The following JAM3 variants were observed in gnomAD, a reference collection of about 807,000 sequenced individuals.
JAM3 encodes junctional adhesion molecule 3, also known as junctional adhesion molecule C.
In JAM3, 31 loss-of-function variants were observed where a neutral mutation model predicts 39.4. The observed-to-expected ratio is 0.79, with a 90% CI of 0.59 to 1.06. JAM3 has a LOEUF of 1.06. Among genes scored for constraint, JAM3 ranks in the 50% least tolerant of loss-of-function variants. The pLI is 0.00. For synonymous variants in JAM3, 182 were observed against 148.7 expected (o/e 1.22, Z -1.63); for missense variants, 455 against 391.4 (o/e 1.16, Z -1.37).
chr11:134,142,023 A>G (rs540631464), intron 3 of JAM3, among the ~76,000 whole-genome samples: 12 of 151,922 alleles, frequency 7.9e-5, no homozygotes, highest in Admixed American at 2.0e-4. Flanking sequence ...TTTGCCTCTT[A>G]TTTTTGGAGT....
intron 3 of JAM3, among the ~76,000 whole-genome samples, chr11:134,143,426 A>T (rs1240644857): frequency 6.6e-5 from 10 of 152,144 alleles, no homozygotes; most frequent in African/African-American, 2.2e-4. Context: ...TAGAAACAGG[A>T]TCTCACTGTG....
chr11:134,106,642 GAAA>G (rs1198286322), intron 1 of JAM3, among the ~76,000 whole-genome samples: 1 of 150,802 alleles, frequency 6.6e-6, no homozygotes, highest in Non-Finnish European at 1.5e-5. Flanking sequence ...AAATTTACAA[GAAA>G]AAAACCTCAT....
At chr11:134,142,435 C>A (rs1002743785) in intron 3 of JAM3, among the ~76,000 whole-genome samples, 3 of 152,148 alleles carry the variant, frequency 2.0e-5, no homozygotes, top group Non-Finnish European at 4.4e-5. Flanking sequence ...TCGGAAGCAT[C>A]TTTTAGTGTG....
intron 1 of JAM3, among the ~76,000 whole-genome samples, chr11:134,097,345 C>A (rs1051977967): frequency 1.3e-5 from 2 of 152,144 alleles, no homozygotes; most frequent in Non-Finnish European, 2.9e-5. Flanking sequence ...CATTTCAGGG[C>A]GCCTTGCCTA....
chr11:134,114,495 G>C (rs1942382784), intron 1 of JAM3, among the ~76,000 whole-genome samples: 1 of 152,198 alleles, frequency 6.6e-6, no homozygotes, highest in African/African-American at 2.4e-5. Flanking sequence ...GATGGTTGTA[G>C]ATGTGTGGTA....
At chr11:134,074,216 T>G (rs2120564482) in intron 1 of JAM3, among the ~76,000 whole-genome samples, 1 of 152,344 alleles carries the variant, frequency 6.6e-6, no homozygotes, top group South Asian at 2.1e-4. Context: ...AGTGGAAGTG[T>G]TACAGCAAAT....
chr11:134,096,898 A>G (rs1464696774), intron 1 of JAM3, among the ~76,000 whole-genome samples: 2 of 152,170 alleles, frequency 1.3e-5, no homozygotes, highest in Non-Finnish European at 2.9e-5. Context: ...CAAATCTAGT[A>G]TCTTTAATTT....
chr11:134,119,491 C>T (rs538000705), intron 1 of JAM3, among the ~76,000 whole-genome samples: 4 of 152,140 alleles, frequency 2.6e-5, no homozygotes, highest in Admixed American at 6.5e-5. Context: ...AGAAACAGAA[C>T]TATTAGGAGA....
intron 1 of JAM3, among the ~76,000 whole-genome samples, chr11:134,089,087 C>T (rs1321570784): frequency 1.3e-5 from 2 of 152,178 alleles, no homozygotes; most frequent in Admixed American, 6.5e-5. Flanking sequence ...TAGTGAAGAG[C>T]ACTAGAGGAT....
chr11:134,086,977 T>A (rs1159389078), intron 1 of JAM3, among the ~76,000 whole-genome samples: 1 of 152,098 alleles, frequency 6.6e-6, no homozygotes, highest in East Asian at 1.9e-4. Flanking sequence ...GCTAATTTTT[T>A]AATTTTTTGT....
intron 1 of JAM3, among the ~76,000 whole-genome samples, chr11:134,076,151 C>CTTTTTTTTTTTT (rs551303530): frequency 1.7e-5 from 2 of 120,404 alleles, no homozygotes; most frequent in African/African-American, 3.3e-5. Flanking sequence ...TCTTTTCTTT[C>CTTTTTTTTTTTT]TTTTTTTTTT....
At chr11:134,091,836 G>GT (rs36015656) in intron 1 of JAM3, among the ~76,000 whole-genome samples, 7,552 of 141,392 alleles carry the variant, frequency 0.053, 621 homozygotes, top group African/African-American at 0.17. Context: ...GGGGGTGTGG[G>GT]TTTTTTTTTT....
intron 2 of JAM3, among the ~76,000 whole-genome samples, chr11:134,140,263 A>G (rs866572719): frequency 5.9e-5 from 9 of 152,162 alleles, no homozygotes; most frequent in African/African-American, 2.2e-4. Flanking sequence ...CTGGGATTAC[A>G]GGCACCCGCC....
At chr11:134,122,084 T>C (rs1248973706) in intron 1 of JAM3, among the ~76,000 whole-genome samples, 2 of 152,218 alleles carry the variant, frequency 1.3e-5, no homozygotes, top group Non-Finnish European at 2.9e-5. Flanking sequence ...TATTTTGTTT[T>C]GTTTTCTGGG....
At chr11:134,141,130 T>G (rs1942966384) in intron 3 of JAM3, among the ~76,000 whole-genome samples, 1 of 152,042 alleles carries the variant, frequency 6.6e-6, no homozygotes, top group Non-Finnish European at 1.5e-5. Context: ...ACCATATGTT[T>G]CAGCAAGGGC....
intron 1 of JAM3, among the ~76,000 whole-genome samples, chr11:134,095,627 CAAA>C (rs57776262): frequency 1.5e-5 from 2 of 137,264 alleles, no homozygotes. Context: ...GAGACTCTGT[CAAA>C]AAAAAAAAAA....
chr11:134,073,437 G>A (rs185222693), intron 1 of JAM3, among the ~76,000 whole-genome samples: 1 of 152,256 alleles, frequency 6.6e-6, no homozygotes, highest in East Asian at 1.9e-4. Context: ...CTATGGTTCA[G>A]CCTTCTTCCT....
At chr11:134,142,353 A>G (rs1185157726) in intron 3 of JAM3, among the ~76,000 whole-genome samples, 1 of 152,136 alleles carries the variant, frequency 6.6e-6, no homozygotes, top group Non-Finnish European at 1.5e-5. Context: ...AAAGGTTCGA[A>G]TCCTCCACTA....
chr11:134,148,477 G>GCAGGGC, intron 6 of JAM3, 70 bp from the exon 7 acceptor site: 3 of 1,608,656 alleles, frequency 1.9e-6, no homozygotes, highest in Non-Finnish European at 2.5e-6. Context: ...AGGAGGCACA[G>GCAGGGC]CAGGGCCAGG....
Sources: allele counts gnomAD v4.1 joint callset (sites outside exome capture counted in the v4.1 genomes callset), GRCh38; gene constraint gnomAD v4.1.1; transcripts MANE v1.5; gene names NCBI Gene and HGNC (gene_info 2026-07-23, HGNC 2026-07-21).